ACSM1: variants seen among roughly 807,000 people sequenced by gnomAD.
ACSM1 encodes acyl-coenzyme A synthetase ACSM1, mitochondrial.
A neutral mutation model predicts 75.8 loss-of-function variants in ACSM1; 79 were observed. The observed-to-expected ratio is 1.04, with a 90% CI of 0.87 to 1.26. ACSM1 has a LOEUF of 1.26. ACSM1 is among the 50% of genes most tolerant of loss of function. ACSM1 has a pLI of 0.00. For missense variants in ACSM1, 676 were observed against 720.1 expected (o/e 0.94, Z 0.70); for synonymous variants, 279 against 265.8 (o/e 1.05, Z -0.48).
At chr16:20,662,403 A>G (rs1472770716) in intron 6 of ACSM1, among the ~76,000 whole-genome samples, 4 of 152,188 alleles carry the variant, frequency 2.6e-5, no homozygotes, top group Non-Finnish European at 5.9e-5. Flanking sequence ...GACCCACTAG[A>G]GAGGAGCAAG....
chr16:20,627,236 G>T lies in ACSM1; in HGVS notation c.1380C>A (p.Gly460=). 6.3e-7 allele frequency: 1 copy of T among 1,586,266 alleles called. No homozygotes were observed. The highest frequency in any genetic ancestry group is 8.6e-7 in the Non-Finnish European group (1 of 1,168,516). Residue 460 remains glycine (G), a synonymous_variant, in exon 11 of 14, where the codon GGC becomes GGA. Transcript: ENST00000520010. ...TGDRGKMDEE[G]YICFLGRSDD... ...CACTCCTCCCCAGGAAACAAATGTA[G>T]CCCTCTTCATCCATCTTACCTCTGT...
At chr16:20,659,819 G>A (rs1284652167) in intron 7 of ACSM1, among the ~76,000 whole-genome samples, 2 of 152,206 alleles carry the variant, frequency 1.3e-5, no homozygotes, top group Middle Eastern at 3.4e-3. Flanking sequence ...AATAAAACTT[G>A]GTTTCCACAA....
At chr16:20,650,021 A>G (rs115784780) in intron 7 of ACSM1, among the ~76,000 whole-genome samples, 17 of 152,320 alleles carry the variant, frequency 1.1e-4, no homozygotes, top group African/African-American at 3.8e-4. Context: ...CTTGGAGCTA[A>G]GGTACCAGCA....
intron 3 of ACSM1, among the ~76,000 whole-genome samples, chr16:20,683,382 C>T (rs1165036834): frequency 6.6e-6 from 1 of 151,966 alleles, no homozygotes; most frequent in Non-Finnish European, 1.5e-5. Context: ...TCTGCCTTAG[C>T]CTCCCAAAGT....
chr16:20,671,475 ACAC>A, intron 5 of ACSM1, 53 bp downstream of exon 5: 1 of 1,530,874 alleles, frequency 6.5e-7, no homozygotes, highest in Non-Finnish European at 8.8e-7. Flanking sequence ...ACACACACAC[ACAC>A]AAACTTTGCC....
intron 6 of ACSM1, among the ~76,000 whole-genome samples, chr16:20,666,376 C>T (rs975823521): frequency 1.3e-5 from 2 of 151,990 alleles, no homozygotes; most frequent in African/African-American, 4.8e-5. Flanking sequence ...ATCTGATTTA[C>T]AACTACCACT....
rs376985029 is a variant in ACSM1 at position 20,661,822 on chromosome 16, G to A, written c.964C>T (p.Arg322Ter). Reference protein sequence around the residue: ...NHFWGVSSIYRMILQQDFTSI... With the variant: ...NHFWGVSSIY ...GTGAAATCCTGCTGCAGAATCATTCGATATATAGATGATACCCCCCAAAAG... is the reference window on the plus strand; with the variant it reads ...GTGAAATCCTGCTGCAGAATCATTCAATATATAGATGATACCCCCCAAAAG... The change falls in exon 7 of 14, where the codon CGA becomes TGA. Residue 322 changes from arginine (R) to a stop codon, truncating the protein, a stop_gained. Coordinates refer to ENST00000520010, the MANE Select transcript of ACSM1 (RefSeq NM_001318890.3). LOFTEE classifies it high-confidence loss of function. 18 of 1,610,298 alleles carry A rather than the reference G, an allele frequency of 1.1e-5. No homozygotes were observed. Among genetic ancestry groups the A allele is most frequent in the South Asian group, 2.2e-5 (2 of 90,690 alleles).
chr16:20,646,884 T>C (rs540942838), intron 7 of ACSM1, among the ~76,000 whole-genome samples: 1 of 152,308 alleles, frequency 6.6e-6, no homozygotes, highest in East Asian at 1.9e-4. Context: ...CCTCTGAATA[T>C]ACTTCCTCCA....
rs570362936 is a variant in ACSM1, at chr16:20,644,333, C to T, written c.993-3749G>A. ...ACCCTAAGGAAGAGAAAAGCAAAAG[C>T]GTAGCTTACTAACTTAAAAATCTTA... is the stretch of plus-strand genomic sequence containing the variant. On this transcript the variant is annotated intron_variant, in intron 7 of 13. Transcript: ENST00000520010. Among the ~76,000 whole-genome samples the T allele has an allele frequency of 1.4e-4, 21 of 152,282 alleles. No individual in the cohort carries two copies. The East Asian group carries it at 2.9e-3, about 21-fold the overall frequency.
chr16:20,639,183 C>T (rs1247661724), intron 8 of ACSM1, among the ~76,000 whole-genome samples: 2 of 152,098 alleles, frequency 1.3e-5, no homozygotes, highest in Non-Finnish European at 2.9e-5. Context: ...GGAAGAGATG[C>T]TCACCCACAC....
intron 7 of ACSM1, among the ~76,000 whole-genome samples, chr16:20,654,659 A>G (rs144163142): frequency 3.9e-5 from 6 of 152,352 alleles, no homozygotes; most frequent in Non-Finnish European, 7.4e-5. Context: ...AATGCTCATC[A>G]TCACTGGCCA....
intron 7 of ACSM1, among the ~76,000 whole-genome samples, chr16:20,660,976 C>A (rs1272286555): frequency 6.6e-6 from 1 of 152,120 alleles, no homozygotes; most frequent in Non-Finnish European, 1.5e-5. Context: ...TCCTGCCCTG[C>A]TTATATAAAG....
intron 6 of ACSM1, among the ~76,000 whole-genome samples, chr16:20,663,171 A>G (rs531928567): frequency 6.8e-4 from 103 of 152,226 alleles, no homozygotes; most frequent in Non-Finnish European, 7.2e-4. Flanking sequence ...ATGTGCACAG[A>G]CTTGTTGGCT....
chr16:20,682,442 G>C lies in ACSM1; in HGVS notation c.425C>G (p.Thr142Ser), dbSNP rs2152311450. 1 of 1,613,646 alleles carries C rather than the reference G, an allele frequency of 6.2e-7. No individual in the cohort carries two copies. Among genetic ancestry groups the C allele is most frequent in the Non-Finnish European group, 8.5e-7 (1 of 1,179,752 alleles). The change falls in exon 4 of 14, where the codon ACC becomes AGC. Residue 142 changes from threonine (T) to serine (S), a missense_variant. Coordinates refer to ENST00000520010, the MANE Select transcript of ACSM1 (RefSeq NM_001318890.3). ...AATGTCTTTGGCCTTCAACAGGATG[G>C]TCGCAGGAATGAAGATGATCCCTGG... Reference protein sequence around the residue: ...MRTGIIFIPATILLKAKDILY... With the variant: ...MRTGIIFIPASILLKAKDILY...
At chr16:20,678,308 C>A (rs1314691716) in intron 4 of ACSM1, among the ~76,000 whole-genome samples, 12 of 151,986 alleles carry the variant, frequency 7.9e-5, no homozygotes, top group Admixed American at 7.9e-4. Flanking sequence ...CACAAAAAAA[C>A]AGCACTAAAG....
chr16:20,669,918 GCCACAAT>G lies in ACSM1; in HGVS notation c.814_820del (p.Ile272LeufsTer7). On this transcript the variant is annotated frameshift_variant, in exon 6 of 14. Coordinates refer to ENST00000520010, the MANE Select transcript of ACSM1 (RefSeq NM_001318890.3). LOFTEE classifies it high-confidence loss of function. The stretch of plus-strand genomic sequence containing the variant: ...TGGTTCTACCAGGGTCCAAATGGTA[GCCACAAT>G]CCATCCTGAGTCCGACAGGCACCAG... 1.2e-6 allele frequency: 2 copies of G among 1,613,954 alleles called. No individual in the cohort carries two copies. Among genetic ancestry groups the G allele is most frequent in the Non-Finnish European group, 1.7e-6 (2 of 1,179,920 alleles).
chr16:20,694,365 T>C (rs1435561064), intron 1 of ACSM1, among the ~76,000 whole-genome samples: 2 of 152,256 alleles, frequency 1.3e-5, no homozygotes, highest in African/African-American at 4.8e-5. Flanking sequence ...ATGGCCTTGC[T>C]GAGTAAATTA....
chr16:20,669,441 AACAC>A (rs71149170), intron 6 of ACSM1, among the ~76,000 whole-genome samples: 13,915 of 141,178 alleles, frequency 0.099, 1,159 homozygotes, highest in African/African-American at 0.23. Context: ...TGAGTAAGAA[AACAC>A]ACACACACAC....
chr16:20,631,070 G>A (rs1404606311), intron 10 of ACSM1, among the ~76,000 whole-genome samples: 2 of 152,178 alleles, frequency 1.3e-5, no homozygotes, highest in Non-Finnish European at 2.9e-5. Context: ...AGCCCATTCA[G>A]GCTGCTGTAA....
Sources: allele counts gnomAD v4.1 joint callset (sites outside exome capture counted in the v4.1 genomes callset), GRCh38; gene constraint gnomAD v4.1.1; transcripts MANE v1.5; gene names NCBI Gene and HGNC (gene_info 2026-07-23, HGNC 2026-07-21).